EVA1A: variants seen among roughly 807,000 people sequenced by gnomAD.
EVA1A encodes eva-1 homolog A, regulator of programmed cell death, also known as protein eva-1 homolog A.
Under a neutral mutation model 9.8 loss-of-function variants are expected in EVA1A, and 7 were observed. That is an observed-to-expected ratio of 0.71 (90% CI 0.41 to 1.34). The LOEUF (loss-of-function observed/expected upper bound fraction) is 1.34, where lower values mean the gene tolerates loss of function less well. Among genes scored for constraint, EVA1A ranks in the 40% most tolerant of loss-of-function variants. The pLI is 0.01. For missense variants in EVA1A, 206 were observed against 205.9 expected, an observed-to-expected ratio of 1.00 and a Z score of 0.00; for synonymous variants, 90 against 85.6, an observed-to-expected ratio of 1.05 and a Z score of -0.28.
At chr2:75,563,865 G>C (rs1414622207), upstream of EVA1A, among the ~76,000 whole-genome samples, 1 of 152,180 alleles carries the variant, frequency 6.6e-6, no homozygotes, top group Non-Finnish European at 1.5e-5. Flanking sequence ...ACCGTGTGTG[G>C]CTTGACACTC....
At position 75,554,494 on chromosome 2, in the gene EVA1A, G is replaced by A. The variant is rs139377430; in HGVS notation, c.-192+6186C>T. On this transcript the variant is annotated intron_variant, in intron 1 of 3. Coordinates refer to ENST00000393913, the MANE Select transcript of EVA1A (RefSeq NM_001135032.2). ...TGGCCATTCCTATCCCAACCACAGCGGCCCACTCTTTCACCTTCTTTTTCG... is the reference window on the plus strand; with the variant it reads ...TGGCCATTCCTATCCCAACCACAGCAGCCCACTCTTTCACCTTCTTTTTCG... Among the ~76,000 whole-genome samples the A allele has an allele frequency of 3.6e-3, 546 of 152,130 alleles. 3 individuals carry two copies. The highest frequency in any genetic ancestry group is 0.012 in the African/African-American group (497 of 41,478).
intron 1 of EVA1A, among the ~76,000 whole-genome samples, chr2:75,527,094 T>C (rs368294488): frequency 6.6e-6 from 1 of 151,268 alleles, no homozygotes; most frequent in East Asian, 1.9e-4. Flanking sequence ...AGGAAAGGAG[T>C]GTTCTAGCAA....
intron 3 of EVA1A, among the ~76,000 whole-genome samples, chr2:75,514,129 G>A (rs931054080): frequency 4.6e-5 from 7 of 152,302 alleles, no homozygotes; most frequent in African/African-American, 1.7e-4. Flanking sequence ...TGATAAGGCA[G>A]GCGAAAACAT....
intron 1 of EVA1A, among the ~76,000 whole-genome samples, chr2:75,532,147 G>A (rs1675679435): frequency 1.8e-5 from 2 of 108,696 alleles, no homozygotes; most frequent in Non-Finnish European, 1.7e-5. Context: ...GTGACAGAGT[G>A]AGACTCTGTC....
chr2:75,520,625 G>A lies in EVA1A; in HGVS notation c.-69+1740C>T, dbSNP rs72814802. On this transcript the variant is annotated intron_variant, in intron 2 of 3. Coordinates refer to ENST00000393913, the MANE Select transcript of EVA1A (RefSeq NM_001135032.2). The stretch of plus-strand genomic sequence containing the variant: ...ACTGCCTTTTCAGCAAACGGTGTTG[G>A]AAAAACTGGATGTCCACGTGCAAAA... Among the ~76,000 whole-genome samples, 999 of 152,246 alleles carry A rather than the reference G, an allele frequency of 6.6e-3. 3 individuals carry two copies. Among genetic ancestry groups the A allele is most frequent in the Non-Finnish European group, 0.011 (774 of 68,012 alleles).
chr2:75,567,287 A>G (rs1677046588), intron 1 of EVA1A, among the ~76,000 whole-genome samples: 2 of 152,242 alleles, frequency 1.3e-5, no homozygotes, highest in Admixed American at 6.5e-5. Flanking sequence ...AAAACTATAC[A>G]TTTTTAGAGA....
At chr2:75,554,478 C>G (rs546134731) in intron 1 of EVA1A, among the ~76,000 whole-genome samples, 1 of 152,092 alleles carries the variant, frequency 6.6e-6, no homozygotes, top group Admixed American at 6.5e-5. Flanking sequence ...ATGGCCATTC[C>G]TATCCCAACC....
At chr2:75,548,983 A>AAAAAAAAT (rs377340236) in intron 1 of EVA1A, among the ~76,000 whole-genome samples, 3 of 133,686 alleles carry the variant, frequency 2.2e-5, no homozygotes, top group Non-Finnish European at 4.7e-5. Flanking sequence ...CTAAATGAAA[A>AAAAAAAAT]ATATATATAT....
intron 1 of EVA1A, among the ~76,000 whole-genome samples, chr2:75,557,231 C>T (rs1056385252): frequency 2.0e-5 from 3 of 152,160 alleles, no homozygotes; most frequent in South Asian, 2.1e-4. Context: ...AGTGGCCCAG[C>T]GACTAGCAAG....
intron 1 of EVA1A, among the ~76,000 whole-genome samples, chr2:75,556,406 A>C (rs1314048108): frequency 6.6e-6 from 1 of 152,164 alleles, no homozygotes; most frequent in Non-Finnish European, 1.5e-5. Context: ...CAGAGGCCTC[A>C]AGACCTGGCA....
intron 3 of EVA1A, among the ~76,000 whole-genome samples, chr2:75,511,822 A>C (rs559216630): frequency 1.2e-4 from 18 of 152,308 alleles, no homozygotes; most frequent in Middle Eastern, 3.4e-3. Context: ...AAAGAAACAA[A>C]AATCTCTCTT....
chr2:75,514,088 C>A (rs549461073), intron 3 of EVA1A, among the ~76,000 whole-genome samples: 210 of 152,182 alleles, frequency 1.4e-3, no homozygotes, highest in Non-Finnish European at 2.3e-3. Flanking sequence ...GAAACAAGAT[C>A]ATGGAGGCAA....
chr2:75,513,280 C>T (rs565407012), intron 3 of EVA1A, among the ~76,000 whole-genome samples: 2 of 152,246 alleles, frequency 1.3e-5, no homozygotes, highest in African/African-American at 4.8e-5. Context: ...GGTAAAAGCA[C>T]CTAAAATCTA....
chr2:75,563,904 C>T (rs1676972309), upstream of EVA1A, among the ~76,000 whole-genome samples: 2 of 152,158 alleles, frequency 1.3e-5, no homozygotes, highest in South Asian at 4.1e-4. Context: ...GGAGAGATAA[C>T]CCACAGACTG....
chr2:75,512,006 G>A (rs1674833806), intron 3 of EVA1A, among the ~76,000 whole-genome samples: 1 of 152,000 alleles, frequency 6.6e-6, no homozygotes. Context: ...AATTTAAGGA[G>A]AAGGTGATTT....
At position 75,493,086 on chromosome 2, in the gene EVA1A, C is replaced by A. The variant is rs1031433083; in HGVS notation, c.*150G>T. 1.7e-6 allele frequency: 2 copies of A among 1,174,428 alleles called. No homozygotes were observed. Among genetic ancestry groups the A allele is most frequent in the Non-Finnish European group, 1.2e-6 (1 of 839,622 alleles). 72.8% of individuals were successfully genotyped at this position (1,174,428 alleles called of 1,614,324 possible). ...CTCCATACATTTGGCCAAAAAGGAG[C>A]AATCCTCCTGGCTAGAAAAGGGGCA... On this transcript the variant is annotated 3_prime_UTR_variant, in exon 4 of 4. Coordinates refer to ENST00000393913, the MANE Select transcript of EVA1A (RefSeq NM_001135032.2).
At chr2:75,516,376 CTTGTG>C (rs775163575) in intron 3 of EVA1A, among the ~76,000 whole-genome samples, 3 of 152,210 alleles carry the variant, frequency 2.0e-5, no homozygotes, top group Non-Finnish European at 4.4e-5. Flanking sequence ...TTTCCATTTC[CTTGTG>C]TTTTCTTTTT....
chr2:75,565,872 C>G (rs1380259042), upstream of EVA1A, among the ~76,000 whole-genome samples: 1 of 152,198 alleles, frequency 6.6e-6, no homozygotes, highest in African/African-American at 2.4e-5. Flanking sequence ...CTTTGCCCTA[C>G]AGTTATTTCC....
intron 1 of EVA1A, among the ~76,000 whole-genome samples, chr2:75,538,030 C>T (rs1409553486): frequency 6.6e-6 from 1 of 152,200 alleles, no homozygotes; most frequent in Non-Finnish European, 1.5e-5. Context: ...TGGCTCACAC[C>T]TGTAATCCCA....
Sources: allele counts gnomAD v4.1 joint callset (sites outside exome capture counted in the v4.1 genomes callset), GRCh38; gene constraint gnomAD v4.1.1; transcripts MANE v1.5; gene names NCBI Gene and HGNC (gene_info 2026-07-23, HGNC 2026-07-21).